DEFB124: variants seen among roughly 807,000 people sequenced by gnomAD.
The protein encoded by DEFB124 is beta-defensin 124.
For synonymous variants in DEFB124, 38 were observed against 36.5 expected, an observed-to-expected ratio of 1.04 and a Z score of -0.15; for missense variants, 78 against 83.1, an observed-to-expected ratio of 0.94 and a Z score of 0.24.
At chr20:31,466,623 A>ATATATATATATATATATAT (rs1274120880) in intron 2 of DEFB124, among the ~76,000 whole-genome samples, 19 of 147,912 alleles carry the variant, frequency 1.3e-4, no homozygotes, top group African/African-American at 1.8e-4. Context: ...ATATATATAT[A>ATATATATATATATATATAT]AAACCTTATC....
chr20:31,473,082 G>A (rs373713407), intron 1 of DEFB124, 44 bp from the exon 2 acceptor site: 22 of 1,554,556 alleles, frequency 1.4e-5, no homozygotes, highest in African/African-American at 1.1e-4. Context: ...GCTGAGCCTC[G>A]CTGCTTCCAG....
At chr20:31,472,834 G>GT in intron 2 of DEFB124, 122 bp downstream of exon 2, 1 of 1,265,378 alleles carries the variant, frequency 7.9e-7, no homozygotes, top group South Asian at 1.9e-5. Context: ...GTCAGTGGTG[G>GT]GGCCAGAACT....
intron 1 of DEFB124, among the ~76,000 whole-genome samples, chr20:31,474,063 A>C (rs1276928899): frequency 6.6e-6 from 1 of 152,238 alleles, no homozygotes; most frequent in Non-Finnish European, 1.5e-5. Flanking sequence ...AGAGGTTGAA[A>C]TGATTCTGCA....
intron 2 of DEFB124, among the ~76,000 whole-genome samples, chr20:31,470,060 G>C (rs1360236202): frequency 2.2e-5 from 3 of 134,100 alleles, no homozygotes; most frequent in African/African-American, 6.2e-5. Context: ...CGGACGGGGC[G>C]GCTGGACGGG....
chr20:31,470,789 G>A (rs1980250154), intron 2 of DEFB124, among the ~76,000 whole-genome samples: 1 of 126,090 alleles, frequency 7.9e-6, no homozygotes, highest in Non-Finnish European at 1.7e-5. Context: ...CTGGGCAGAG[G>A]CGCCCCTCAC....
At chr20:31,468,481 TA>T (rs1980137944) in intron 2 of DEFB124, among the ~76,000 whole-genome samples, 1 of 151,646 alleles carries the variant, frequency 6.6e-6, no homozygotes, top group African/African-American at 2.4e-5. Flanking sequence ...TTTCTTTTTC[TA>T]TTTTTTTTTT....
intron 2 of DEFB124, among the ~76,000 whole-genome samples, chr20:31,471,647 G>C (rs1165639030): frequency 6.8e-6 from 1 of 147,992 alleles, no homozygotes; most frequent in Non-Finnish European, 1.5e-5. Flanking sequence ...CTTCTCAGAC[G>C]GGGCAGCTGC....
intron 2 of DEFB124, among the ~76,000 whole-genome samples, chr20:31,466,805 C>A (rs988038020): frequency 4.6e-5 from 7 of 151,828 alleles, no homozygotes; most frequent in African/African-American, 1.5e-4. Flanking sequence ...GGCTTTGGGG[C>A]AACAGGTCCT....
intron 1 of DEFB124, among the ~76,000 whole-genome samples, chr20:31,474,182 A>G (rs1980411368): frequency 1.3e-5 from 2 of 152,310 alleles, no homozygotes; most frequent in South Asian, 4.1e-4. Context: ...AAATAAAGAA[A>G]CTGAAACCCA....
At chr20:31,472,671 G>C (rs913496784) in intron 2 of DEFB124, 1 of 381,370 alleles carries the variant, frequency 2.6e-6, no homozygotes, top group Admixed American at 4.3e-5. Context: ...TGAAAGCAAG[G>C]ACCTTCTTTT....
chr20:31,465,916 G>A (rs1980071845), intron 2 of DEFB124, among the ~76,000 whole-genome samples: 1 of 152,186 alleles, frequency 6.6e-6, no homozygotes, highest in Non-Finnish European at 1.5e-5. Context: ...CAGCACTTTG[G>A]GAGGCTGAGG....
chr20:31,465,681 A>G lies in DEFB124; in HGVS notation c.59-18T>C, dbSNP rs1475226581. 88 of 1,612,224 alleles carry G rather than the reference A, an allele frequency of 5.5e-5. No homozygotes were observed. Among genetic ancestry groups the G allele is most frequent in the Non-Finnish European group, 7.3e-5 (86 of 1,179,708 alleles). ...ACTTCTCCCTAAACAGAGGAAAACC[A>G]CAGGTCACAGAGCAGCCCATGGGTC... On this transcript the variant is annotated intron_variant, in intron 2 of 2. Coordinates refer to ENST00000317676, the MANE Select transcript of DEFB124 (RefSeq NM_001037500.2).
chr20:31,470,726 C>T (rs1980246422), intron 2 of DEFB124, among the ~76,000 whole-genome samples: 3 of 137,404 alleles, frequency 2.2e-5, no homozygotes, highest in African/African-American at 5.5e-5. Flanking sequence ...ACCTCCCTCC[C>T]GGACGGGGTG....
chr20:31,466,610 T>C (rs1314844733), intron 2 of DEFB124, among the ~76,000 whole-genome samples: 2 of 146,360 alleles, frequency 1.4e-5, no homozygotes, highest in Admixed American at 1.3e-4. Flanking sequence ...AAAAAGAATA[T>C]ATATATATAT....
intron 1 of DEFB124, among the ~76,000 whole-genome samples, chr20:31,473,569 T>A (rs1374128706): frequency 6.6e-6 from 1 of 152,114 alleles, no homozygotes; most frequent in Non-Finnish European, 1.5e-5. Flanking sequence ...AGTAATACAG[T>A]GGCTCCTATA....
intron 2 of DEFB124, among the ~76,000 whole-genome samples, chr20:31,467,873 C>T (rs1980120843): frequency 6.6e-6 from 1 of 152,118 alleles, no homozygotes; most frequent in African/African-American, 2.4e-5. Flanking sequence ...CCACCTCAGC[C>T]TCCTAAATAG....
At chr20:31,469,892 C>T (rs1021526106) in intron 2 of DEFB124, among the ~76,000 whole-genome samples, 1 of 147,348 alleles carries the variant, frequency 6.8e-6, no homozygotes, top group Non-Finnish European at 1.5e-5. Context: ...CAATCTTTTC[C>T]CCACCTTTCC....
chr20:31,465,590 G>T lies in DEFB124; in HGVS notation c.132C>A (p.Tyr44Ter), dbSNP rs759331343. 6.2e-7 allele frequency: 1 copy of T among 1,614,216 alleles called. No individual in the cohort carries two copies. The highest frequency in any genetic ancestry group is 8.5e-7 in the Non-Finnish European group (1 of 1,180,044). Reference protein sequence around the residue: ...CQTYCTRQETYMHLCPDASLC... With the variant: ...CQTYCTRQET ...GGGACGCATCCGGGCACAGGTGCAT[G>T]TAAGTTTCTTGCCTTGTGCAGTAAG... Residue 44 changes from tyrosine (Y) to a stop codon, truncating the protein, a stop_gained, in exon 3 of 3, where the codon TAC (tyrosine) becomes TAA (stop). Transcript: ENST00000317676. LOFTEE classifies it low-confidence loss of function (END_TRUNC).
chr20:31,472,843 C>T, intron 2 of DEFB124, 113 bp downstream of exon 2: 5 of 1,365,972 alleles, frequency 3.7e-6, no homozygotes, highest in Non-Finnish European at 4.8e-6. Flanking sequence ...GGGGCCAGAA[C>T]TTAAATGCTG....
Sources: gnomAD v4.1 joint callset for allele counts (sites outside exome capture counted in the v4.1 genomes callset) on GRCh38, gnomAD v4.1.1 for gene constraint, MANE v1.5 for transcripts, NCBI Gene and HGNC (gene_info 2026-07-23, HGNC 2026-07-21) for gene names.